Variants in LRP1B observed in about 807,000 individuals in gnomAD.
LRP1B encodes low-density lipoprotein receptor-related protein 1B.
A neutral mutation model predicts 556.6 loss-of-function variants in LRP1B; 217 were observed. The ratio of observed to expected loss-of-function variants is 0.39; its 90% CI spans 0.35 to 0.44. The LOEUF is 0.44. Among genes scored for constraint, LRP1B ranks in the 20% least tolerant of loss-of-function variants. LRP1B has a pLI of 1.00. For synonymous variants in LRP1B, 2,047 were observed against 1,865.8 expected (o/e 1.10, Z -2.50); for missense variants, 5,053 against 5,620.8 (o/e 0.90, Z 3.23).
chr2:140,502,403 A>G (rs919498861), intron 54 of LRP1B, among the ~76,000 whole-genome samples: 1 of 152,042 alleles, frequency 6.6e-6, no homozygotes, highest in African/African-American at 2.4e-5. Context: ...GACTTGAACA[A>G]TACTCACCAT....
chr2:140,512,886 G>A (rs10928749), intron 51 of LRP1B, among the ~76,000 whole-genome samples: 108,019 of 151,948 alleles, frequency 0.71, 38,930 homozygotes, highest in Middle Eastern at 0.83. Context: ...CAGTTCATTG[G>A]CTGATGATTG....
chr2:140,748,589 GTGTATATA>G (rs1312367152), intron 35 of LRP1B, among the ~76,000 whole-genome samples: 1 of 18,748 alleles, frequency 5.3e-5, no homozygotes, highest in East Asian at 2.6e-3. Context: ...CATATACAGT[GTGTATATA>G]TATATATATA....
At chr2:142,004,618 G>C (rs1415878415) in intron 1 of LRP1B, among the ~76,000 whole-genome samples, 1 of 152,050 alleles carries the variant, frequency 6.6e-6, no homozygotes, top group Non-Finnish European at 1.5e-5. Context: ...GGCTGAGGGG[G>C]GTGGATCACC....
intron 1 of LRP1B, among the ~76,000 whole-genome samples, chr2:142,040,079 C>T (rs182933215): frequency 2.8e-4 from 43 of 151,586 alleles, no homozygotes; most frequent in African/African-American, 1.0e-3. Context: ...CATTTCCTCT[C>T]TTCCCCAGAG....
rs1173699151 is a variant in LRP1B at position 140,502,947 on chromosome 2, G to A, written c.8662+16C>T. Reference sequence around the variant, plus strand: ...AACACTTTAGAGTAAATGCGGTATTGTATATATTTCTGTACCTGCACTTTT... The same window carrying A: ...AACACTTTAGAGTAAATGCGGTATTATATATATTTCTGTACCTGCACTTTT... On this transcript the variant is annotated intron_variant, in intron 54 of 90. Transcript: ENST00000389484. 6.2e-7 allele frequency: 1 copy of A among 1,611,642 alleles called. No homozygotes were observed. The highest frequency in any genetic ancestry group is 1.7e-5 in the Admixed American group (1 of 59,918).
At chr2:141,341,279 C>A (rs1387386784) in intron 3 of LRP1B, among the ~76,000 whole-genome samples, 4 of 152,108 alleles carry the variant, frequency 2.6e-5, no homozygotes, top group Non-Finnish European at 5.9e-5. Context: ...AATGTCATAC[C>A]CATGTATGGA....
chr2:140,714,162 A>T (rs572985958), intron 37 of LRP1B, among the ~76,000 whole-genome samples: 54 of 152,296 alleles, frequency 3.5e-4, no homozygotes, highest in African/African-American at 1.1e-3. Context: ...TCATGCCAGC[A>T]TACTTCACAG....
chr2:141,282,771 T>C (rs914080082), intron 3 of LRP1B, among the ~76,000 whole-genome samples: 1 of 152,062 alleles, frequency 6.6e-6, no homozygotes, highest in Non-Finnish European at 1.5e-5. Flanking sequence ...GAAGTGTCCA[T>C]GGTTTCCAGA....
chr2:140,967,806 T>G (rs1696279610), intron 18 of LRP1B, among the ~76,000 whole-genome samples: 2 of 152,092 alleles, frequency 1.3e-5, no homozygotes, highest in Non-Finnish European at 2.9e-5. Context: ...ATCATGTGTT[T>G]TTTTGTCTTT....
At chr2:140,600,766 G>GTTTTT (rs1558996101) in intron 42 of LRP1B, among the ~76,000 whole-genome samples, 13 of 46,200 alleles carry the variant, frequency 2.8e-4, no homozygotes, top group African/African-American at 1.1e-3. Flanking sequence ...TGTTCTTCGG[G>GTTTTT]GTTTTTTTTT....
At chr2:140,966,083 C>T (rs1335723068) in intron 18 of LRP1B, among the ~76,000 whole-genome samples, 1 of 152,142 alleles carries the variant, frequency 6.6e-6, no homozygotes, top group Non-Finnish European at 1.5e-5. Context: ...AATGGGATGG[C>T]TGGGTCAAAT....
chr2:140,574,487 G>A (rs999165266), intron 43 of LRP1B, among the ~76,000 whole-genome samples: 2 of 152,166 alleles, frequency 1.3e-5, no homozygotes, highest in Non-Finnish European at 2.9e-5. Flanking sequence ...ATAACTTAGT[G>A]ATTGGAGGGT....
chr2:140,891,962 A>T (rs1364677377), intron 23 of LRP1B, among the ~76,000 whole-genome samples: 4 of 152,116 alleles, frequency 2.6e-5, no homozygotes, highest in African/African-American at 9.7e-5. Context: ...AACAAGTTGT[A>T]AGAATCCTCC....
intron 1 of LRP1B, among the ~76,000 whole-genome samples, chr2:141,902,056 A>T (rs1699632943): frequency 2.9e-5 from 2 of 69,834 alleles, no homozygotes; most frequent in Non-Finnish European, 6.0e-5. Context: ...TCATGAAAAA[A>T]GAAATAACAA....
chr2:140,678,990 T>C (rs1685770028), intron 41 of LRP1B, among the ~76,000 whole-genome samples: 2 of 152,124 alleles, frequency 1.3e-5, no homozygotes, highest in Non-Finnish European at 2.9e-5. Flanking sequence ...GTGGCCAGGC[T>C]GGTCTTGAAC....
intron 43 of LRP1B, among the ~76,000 whole-genome samples, chr2:140,579,765 C>T (rs1681684865): frequency 6.6e-6 from 1 of 152,094 alleles, no homozygotes; most frequent in East Asian, 1.9e-4. Flanking sequence ...TCGCTTGAAG[C>T]CGGGAGGCGG....
At chr2:140,738,421 T>C (rs1282058297) in intron 35 of LRP1B, among the ~76,000 whole-genome samples, 3 of 152,126 alleles carry the variant, frequency 2.0e-5, no homozygotes, top group Non-Finnish European at 2.9e-5. Context: ...TGGGATGGTC[T>C]GTGGCAGCCA....
chr2:140,762,965 A>T (rs868448201), intron 35 of LRP1B, among the ~76,000 whole-genome samples: 5 of 152,124 alleles, frequency 3.3e-5, no homozygotes, highest in Admixed American at 1.3e-4. Context: ...GCTAAAAGAG[A>T]TCTCCTCATT....
intron 46 of LRP1B, among the ~76,000 whole-genome samples, chr2:140,535,177 C>T (rs1233836129): frequency 1.3e-5 from 2 of 152,090 alleles, no homozygotes; most frequent in East Asian, 1.9e-4. Context: ...ACCAGCTGAA[C>T]CTTTACAGAA....
Sources: allele counts gnomAD v4.1 joint callset (sites outside exome capture counted in the v4.1 genomes callset), GRCh38; gene constraint gnomAD v4.1.1; transcripts MANE v1.5; gene names NCBI Gene and HGNC (gene_info 2026-07-23, HGNC 2026-07-21).